Variants in HLA-DQA1 observed in about 807,000 individuals in gnomAD.
HLA-DQA1 encodes the protein HLA class II histocompatibility antigen, DQ alpha 1 chain.
In HLA-DQA1, 10 loss-of-function variants were observed where a neutral mutation model predicts 20.7. That is an observed-to-expected ratio of 0.48 (90% CI 0.30 to 0.82). The LOEUF is 0.82. Among genes scored for constraint, HLA-DQA1 ranks in the 40% least tolerant of loss-of-function variants. HLA-DQA1 has a pLI of 0.07. For missense variants in HLA-DQA1, 127 were observed against 293.0 expected, an observed-to-expected ratio of 0.43 and a Z score of 4.14; for synonymous variants, 39 against 109.2, an observed-to-expected ratio of 0.36 and a Z score of 4.01.
the HLA-DQA1 span, among the ~76,000 whole-genome samples, chr6:32,653,814 A>G: frequency 0.032 from 2,317 of 71,624 alleles, 172 homozygotes; most frequent in Admixed American, 0.042. Flanking sequence ...ATTCAGTCTT[A>G]TAAAAGAAGG....
chr6:32,644,501 G>A (rs1781749016), downstream of HLA-DQA1: 1 of 151,850 alleles, frequency 6.6e-6, no homozygotes, highest in South Asian at 2.1e-4. Context: ...TCCTTGCAGA[G>A]TTATTGATAA....
chr6:32,654,295 C>CA, the HLA-DQA1 span, among the ~76,000 whole-genome samples: 42,168 of 75,670 alleles, frequency 0.56, 12,383 homozygotes, highest in Admixed American at 0.62. Context: ...GGCCCTGTCT[C>CA]AAAAAAAAAA....
chr6:32,640,113 CA>C (rs1286499518), intron 1 of HLA-DQA1, among the ~76,000 whole-genome samples: 1 of 96,326 alleles, frequency 1.0e-5, no homozygotes, highest in East Asian at 3.3e-4. Flanking sequence ...CAGACCACTG[CA>C]AAGACCAGGG....
At chr6:32,638,720 G>C (rs1249146800) in intron 1 of HLA-DQA1, among the ~76,000 whole-genome samples, 1 of 62,558 alleles carries the variant, frequency 1.6e-5, no homozygotes, top group African/African-American at 5.6e-5. Context: ...GAAGGAAGGA[G>C]AAGGAAGGAA....
intron 1 of HLA-DQA1, chr6:32,639,108 G>T (rs9272545): frequency 0.14 from 27,613 of 201,658 alleles, 5,878 homozygotes; most frequent in Admixed American, 0.25. Flanking sequence ...AGCGCTTGGC[G>T]TCTTTGTTCC....
chr6:32,655,172 T>G, the HLA-DQA1 span, among the ~76,000 whole-genome samples: 49,679 of 108,736 alleles, frequency 0.46, 10,360 homozygotes, highest in Middle Eastern at 0.55. Flanking sequence ...TAAATGCAGT[T>G]ATTTGTCAAT....
chr6:32,638,099 G>A (rs552900157), intron 1 of HLA-DQA1, among the ~76,000 whole-genome samples: 13 of 131,896 alleles, frequency 9.9e-5, no homozygotes, highest in Non-Finnish European at 1.8e-4. Flanking sequence ...TTTACCACAT[G>A]GTCCTCACTT....
At chr6:32,642,437 T>C (rs114816840) in intron 3 of HLA-DQA1, 173 bp from the exon 4 acceptor site, 100,127 of 491,696 alleles carry the variant, frequency 0.2, 37,088 homozygotes, top group Admixed American at 0.35. Context: ...AAGTACACTC[T>C]ACAGGATGGG....
downstream of HLA-DQA1, among the ~76,000 whole-genome samples, chr6:32,650,865 A>G (rs1323695683): frequency 0.28 from 10,214 of 36,122 alleles, 3,622 homozygotes; most frequent in Admixed American, 0.4. Flanking sequence ...TAATAATAAT[A>G]ATAATAATAA....
intron 2 of HLA-DQA1, 81 bp from the exon 3 acceptor site, chr6:32,641,891 G>T: frequency 1.1e-6 from 1 of 887,046 alleles, no homozygotes; most frequent in Non-Finnish European, 1.6e-6. Flanking sequence ...AATGCTGGTA[G>T]GAGGGCTCTT....
At chr6:32,647,750 T>G (rs17843579), downstream of HLA-DQA1, among the ~76,000 whole-genome samples, 85,952 of 151,306 alleles carry the variant, frequency 0.57, 24,646 homozygotes, top group Middle Eastern at 0.7. Context: ...GGAGAGCAAA[T>G]TACTTTTTCC....
chr6:32,652,950 T>G, the HLA-DQA1 span, among the ~76,000 whole-genome samples: 5 of 150,592 alleles, frequency 3.3e-5, no homozygotes, highest in East Asian at 5.9e-4. Flanking sequence ...GTAAGAGCCT[T>G]TCAGAGTTGG....
intron 1 of HLA-DQA1, chr6:32,639,970 T>G: frequency 1.1e-5 from 1 of 87,232 alleles, no homozygotes; most frequent in Non-Finnish European, 2.6e-5. Context: ...TTGGAGGTCA[T>G]AATGTGGTCA....
At chr6:32,637,982 T>G (rs9272476) in intron 1 of HLA-DQA1, among the ~76,000 whole-genome samples, 1 of 101,384 alleles carries the variant, frequency 9.9e-6, no homozygotes, top group East Asian at 2.7e-4. Flanking sequence ...ATATTTAAAA[T>G]GTTGCCCGTT....
chr6:32,641,284 T>A (rs28654242), intron 1 of HLA-DQA1, 26 bp from the exon 2 acceptor site: 197,988 of 1,227,414 alleles, frequency 0.16, 49,341 homozygotes, highest in Non-Finnish European at 0.17. Context: ...TTCTCCGCCT[T>A]CCTGCTTGTC....
At position 32,642,748 on chromosome 6, in the gene HLA-DQA1, A is replaced by T. The variant is rs1313921386; in HGVS notation, c.752A>T (p.His251Leu). 8.6e-7 allele frequency: 1 copy of T among 1,162,926 alleles called. No individual in the cohort carries two copies. Among genetic ancestry groups the T allele is most frequent in the Non-Finnish European group, 1.2e-6 (1 of 824,080 alleles). The allele number at this position is 1,162,926 out of a possible 1,614,324, so 72.0% of individuals were successfully genotyped here. The change falls in exon 4 of 5, where the codon CAC (histidine) becomes CTC (leucine). Residue 251 changes from histidine to leucine, a missense_variant. Transcript: ENST00000343139. ...CTGCGTTCAGTTGGTGCTTCCAGAC[A>T]CCAAGGGCCATTGTGAATCCCATCC... The part of the protein sequence containing the change: ...QGLRSVGASR[H>L]QGPL
intron 3 of HLA-DQA1, 73 bp from the exon 4 acceptor site, chr6:32,642,537 T>C (rs9272779): frequency 0.24 from 255,447 of 1,081,878 alleles, 53,384 homozygotes; most frequent in Admixed American, 0.34. Flanking sequence ...GCCAACCCTC[T>C]ACCCCATCCC....
At chr6:32,645,739 C>T, downstream of HLA-DQA1, 1 of 51,182 alleles carries the variant, frequency 2.0e-5, no homozygotes, top group South Asian at 5.3e-4. Context: ...GTATGAAAAA[C>T]AGTCACATTA....
At chr6:32,652,067 C>T in the HLA-DQA1 span, among the ~76,000 whole-genome samples, 1 of 94,420 alleles carries the variant, frequency 1.1e-5, no homozygotes, top group Non-Finnish European at 2.3e-5. Flanking sequence ...CCGAGGCTTG[C>T]GGATCATGAG....
Sources: allele counts gnomAD v4.1 joint callset (sites outside exome capture counted in the v4.1 genomes callset), GRCh38; gene constraint gnomAD v4.1.1; transcripts MANE v1.5; gene names NCBI Gene and HGNC (gene_info 2026-07-23, HGNC 2026-07-21).